Variants in ADCY10 observed in about 807,000 individuals in gnomAD.
ADCY10 encodes adenylate cyclase type 10.
Under a neutral mutation model 183.3 loss-of-function variants are expected in ADCY10, and 156 were observed. The ratio of observed to expected loss-of-function variants is 0.85; its 90% CI spans 0.75 to 0.97. The LOEUF (loss-of-function observed/expected upper bound fraction) is 0.97. Ranked by LOEUF, ADCY10 falls within the 50% of genes least tolerant of loss-of-function variation. The pLI is 0.00. For missense variants in ADCY10, 1,745 were observed against 1,934.3 expected (o/e 0.90, Z 1.84); for synonymous variants, 645 against 670.0 (o/e 0.96, Z 0.58).
intron 12 of ADCY10, among the ~76,000 whole-genome samples, chr1:167,878,021 C>A (rs1419977268): frequency 1.3e-5 from 2 of 152,262 alleles, no homozygotes; most frequent in East Asian, 1.9e-4. Flanking sequence ...CTATGCTGAG[C>A]TTTTGGGGAA....
In ADCY10 at chr1:167,880,649, T is replaced by C. The variant is rs115003866; in HGVS notation, c.1021-40A>G. ...GACAGCAACCACAGCTGATGGACAG[T>C]GTGCTTTAAACTGGACTGGCCAGAA... On this transcript the variant is annotated intron_variant, in intron 9 of 32. Coordinates refer to ENST00000367851, the MANE Select transcript of ADCY10 (RefSeq NM_018417.6). The C allele has an allele frequency of 2.4e-3, 3,619 of 1,490,908 alleles. 59 individuals are homozygous for C. In the African/African-American group the frequency reaches 0.04, roughly 17 times the overall value. 92.4% of individuals were successfully genotyped at this position (1,490,908 alleles called of 1,614,324 possible). A position where few individuals can be genotyped will look rare whatever the true frequency, so the allele number is the denominator to read the frequency against.
chr1:167,849,827 C>T (rs776521540), intron 18 of ADCY10, among the ~76,000 whole-genome samples: 32 of 152,220 alleles, frequency 2.1e-4, no homozygotes, highest in East Asian at 1.4e-3. Flanking sequence ...ATATTCTAAG[C>T]GGCAAGTGGA....
chr1:167,854,610 G>T, intron 17 of ADCY10, 121 bp from the exon 18 acceptor site: 1 of 1,318,422 alleles, frequency 7.6e-7, no homozygotes, highest in South Asian at 1.2e-5. Context: ...GTTTCTGTTT[G>T]TTTTCAGTTT....
chr1:167,838,062 G>C (rs752537088), intron 21 of ADCY10, among the ~76,000 whole-genome samples: 4 of 152,214 alleles, frequency 2.6e-5, no homozygotes, highest in Non-Finnish European at 5.9e-5. Flanking sequence ...AGTGGTGGAG[G>C]CAGGACTAGA....
In ADCY10 at chr1:167,896,648, A is replaced by G. The variant is rs1422252274; in HGVS notation, c.686T>C (p.Phe229Ser). Residue 229 changes from phenylalanine (F) to serine (S), a missense_variant, in exon 7 of 33, where the codon TTT becomes TCT. By Grantham distance (155) the Phe-to-Ser change is radical (BLOSUM62 -2). Coordinates refer to ENST00000367851, the MANE Select transcript of ADCY10 (RefSeq NM_018417.6). ...CATGAAGGTCGTACACTTTGTGAAA[A>G]ATTCATCAAAATTAAAATTGGGGGG... is the stretch of plus-strand genomic sequence containing the variant. ...KPPPNFNFDE[F>S]FTKCTTFMHY... 1.2e-6 allele frequency: 2 copies of G among 1,613,686 alleles called. No homozygotes were observed. Among genetic ancestry groups the G allele is most frequent in the African/African-American group, 1.3e-5 (1 of 75,016 alleles).
chr1:167,843,954 G>A (rs896086735), intron 21 of ADCY10, among the ~76,000 whole-genome samples: 2 of 150,984 alleles, frequency 1.3e-5, no homozygotes, highest in African/African-American at 2.5e-5. Context: ...AGGTCTGGGC[G>A]AAGGATCCAA....
intron 13 of ADCY10, among the ~76,000 whole-genome samples, chr1:167,871,289 A>G (rs902015505): frequency 6.6e-6 from 1 of 152,208 alleles, no homozygotes; most frequent in Non-Finnish European, 1.5e-5. Context: ...GATAAAATTC[A>G]ATTTGCCTTC....
intron 12 of ADCY10, among the ~76,000 whole-genome samples, chr1:167,875,894 A>G (rs140506379): frequency 6.6e-6 from 1 of 152,060 alleles, no homozygotes; most frequent in Non-Finnish European, 1.5e-5. Flanking sequence ...GGGAGCTTGC[A>G]GTGAGCCGAG....
In ADCY10 at chr1:167,817,565, G is replaced by A. The variant is rs777875979; in HGVS notation, c.4482+507C>T. ...AGGTGTTTAATTTGCTCACTCTTGC[G>A]CCCCAGCACTCTTGTATTAATATGC... On this transcript the variant is annotated intron_variant, in intron 31 of 32. Transcript: ENST00000367851. Among the ~76,000 whole-genome samples, 15 of 152,210 alleles carry A rather than the reference G, an allele frequency of 9.9e-5. No homozygotes were observed. In the Middle Eastern group the frequency reaches 0.014, roughly 138 times the overall value.
In ADCY10 at chr1:167,860,922, T is replaced by G; in HGVS notation, c.1758A>C (p.Thr586=). 2 of 1,614,148 alleles carry G rather than the reference T, an allele frequency of 1.2e-6. No homozygotes were observed. The highest frequency in any genetic ancestry group is 1.7e-6 in the Non-Finnish European group (2 of 1,180,020). The change falls in exon 15 of 33, where the codon ACA becomes ACC. Residue 586 remains threonine (T), a synonymous_variant. Coordinates refer to ENST00000367851, the MANE Select transcript of ADCY10 (RefSeq NM_018417.6). ...GACAGTAGAACTTTTCATCCAACAG[T>G]GTCATGACTTTATTTCGAAGGTTGG... ...RQTNLRNKVM[T]LLDEKFYCLL...
chr1:167,902,092 C>T, intron 3 of ADCY10, 38 bp from the exon 4 acceptor site: 1 of 1,580,526 alleles, frequency 6.3e-7, no homozygotes, highest in East Asian at 2.2e-5. Context: ...AACCCTGATT[C>T]CTTAAAGGTA....
At chr1:167,820,321 C>T in intron 30 of ADCY10, 1 of 1,086,628 alleles carries the variant, frequency 9.2e-7, no homozygotes, top group South Asian at 1.7e-5. Flanking sequence ...AGGGGACTAG[C>T]CGGCCTTGAG....
Position 167,905,160 on chromosome 1 carries a change from G to A in ADCY10, c.-20C>T. 6.2e-7 allele frequency: 1 copy of A among 1,614,160 alleles called. No individual in the cohort carries two copies. On this transcript the variant is annotated 5_prime_UTR_variant, in exon 2 of 33. Coordinates refer to ENST00000367851, the MANE Select transcript of ADCY10 (RefSeq NM_018417.6). ...GTTCATGTTCAAGACAAATGTTCAG[G>A]ATTTTATGGTGACAGGAAGCAGTCT...
intron 32 of ADCY10, 90 bp downstream of exon 32, chr1:167,810,635 G>A: frequency 8.1e-7 from 1 of 1,231,196 alleles, no homozygotes; most frequent in Non-Finnish European, 1.2e-6. Context: ...GTTAATGGCA[G>A]CCTGGTGAAA....
At chr1:167,829,700 T>A (rs1663574425) in intron 25 of ADCY10, among the ~76,000 whole-genome samples, 1 of 152,260 alleles carries the variant, frequency 6.6e-6, no homozygotes, top group African/African-American at 2.4e-5. Flanking sequence ...TGAAGCTATT[T>A]AAAAAGCACA....
At position 167,859,899 on chromosome 1, in the gene ADCY10, C is replaced by T. The variant is rs1666172015; in HGVS notation, c.1810-6G>A. On this transcript the variant is annotated splice_polypyrimidine_tract_variant and splice_region_variant and intron_variant, in intron 15 of 32. Coordinates refer to ENST00000367851, the MANE Select transcript of ADCY10 (RefSeq NM_018417.6). ...ATCTCCCGAGAAATAGGGAACTGTA[C>T]AAAGAATTATGAGAATATTGAGTAT... 1.2e-6 allele frequency: 2 copies of T among 1,602,538 alleles called. No homozygotes were observed. Among genetic ancestry groups the T allele is most frequent in the Admixed American group, 3.3e-5 (2 of 59,956 alleles).
intron 13 of ADCY10, among the ~76,000 whole-genome samples, chr1:167,870,638 C>CAAAAAAAA (rs58787930): frequency 3.2e-5 from 3 of 93,742 alleles, no homozygotes; most frequent in African/African-American, 4.3e-5. Flanking sequence ...ACTGAAAATA[C>CAAAAAAAA]AAAAAAAAAA....
At chr1:167,888,289 A>AT (rs762392846) in intron 8 of ADCY10, among the ~76,000 whole-genome samples, 24 of 149,432 alleles carry the variant, frequency 1.6e-4, no homozygotes, top group South Asian at 4.3e-4. Context: ...AAATTTTAGA[A>AT]TTTTTTTTTT....
At position 167,848,410 on chromosome 1, in the gene ADCY10, G is replaced by A. The variant is rs368393365; in HGVS notation, c.2388C>T (p.Leu796=). 4 of 1,613,954 alleles carry A rather than the reference G, an allele frequency of 2.5e-6. No homozygotes were observed. The African/African-American group carries it at 4.0e-5, about 16-fold the overall frequency. Residue 796 remains leucine, a synonymous_variant, in exon 19 of 33, where the codon CTC becomes CTT. Transcript: ENST00000367851. ...GGTTTTTCAGTCTGACACCACTTGTGAGGTGACAGACTTCTTCACTTTCCT... is the reference window on the plus strand; with the variant it reads ...GGTTTTTCAGTCTGACACCACTTGTAAGGTGACAGACTTCTTCACTTTCCT... The part of the protein sequence containing the change: ...SDKESEEVCH[L]TSGVRLKNLS...
Sources: allele counts gnomAD v4.1 joint callset (sites outside exome capture counted in the v4.1 genomes callset), GRCh38; gene constraint gnomAD v4.1.1; transcripts MANE v1.5; gene names NCBI Gene and HGNC (gene_info 2026-07-23, HGNC 2026-07-21).